DCAF12: variants seen among roughly 807,000 people sequenced by gnomAD.
DCAF12 encodes DDB1 and CUL4 associated factor 12, also known as DDB1- and CUL4-associated factor 12.
Under a neutral mutation model 52.8 loss-of-function variants are expected in DCAF12, and 28 were observed. That is an observed-to-expected ratio of 0.53 (90% confidence interval 0.39 to 0.73). The LOEUF (loss-of-function observed/expected upper bound fraction) is 0.73, where lower values mean the gene tolerates loss of function less well. Among genes scored for constraint, DCAF12 ranks in the 30% least tolerant of loss-of-function variants. The pLI, the probability that DCAF12 is intolerant of heterozygous loss-of-function variation, is 0.00. For missense variants in DCAF12, 425 were observed against 552.2 expected, an observed-to-expected ratio of 0.77 and a Z score of 2.31; for synonymous variants, 196 against 215.5, an observed-to-expected ratio of 0.91 and a Z score of 0.79.
intron 7 of DCAF12, among the ~76,000 whole-genome samples, chr9:34,092,878 G>A (rs1828667754): frequency 6.6e-6 from 1 of 151,710 alleles, no homozygotes; most frequent in Admixed American, 6.6e-5. Context: ...AGAATTTCGC[G>A]CTCATTGCCC....
chr9:34,125,383 A>G (rs149310028), intron 1 of DCAF12, 106 bp from the exon 2 acceptor site: 1 of 1,271,064 alleles, frequency 7.9e-7, no homozygotes, highest in East Asian at 2.3e-5. Flanking sequence ...CAGAATTTAC[A>G]AACAACACAA....
intron 4 of DCAF12, among the ~76,000 whole-genome samples, chr9:34,099,420 T>C (rs779890365): frequency 6.6e-6 from 1 of 151,568 alleles, no homozygotes; most frequent in Non-Finnish European, 1.5e-5. Context: ...TTAGTAGAGA[T>C]TGGGTTTCAC....
At chr9:34,124,820 T>C (rs999772459) in intron 2 of DCAF12, among the ~76,000 whole-genome samples, 2 of 152,056 alleles carry the variant, frequency 1.3e-5, no homozygotes, top group African/African-American at 4.8e-5. Context: ...ATACACTCCT[T>C]TGAGGACTTA....
At position 34,126,509 on chromosome 9, in the gene DCAF12, T is replaced by A; in HGVS notation, c.-78A>T. 1 of 1,504,098 alleles carries A rather than the reference T, an allele frequency of 6.6e-7. No individual in the cohort carries two copies. The highest frequency in any genetic ancestry group is 8.9e-7 in the Non-Finnish European group (1 of 1,124,720). The allele number at this position is 1,504,098 out of a possible 1,614,324, so 93.2% of individuals were successfully genotyped here. A position where few individuals can be genotyped will look rare whatever the true frequency, so the allele number is the denominator to read the frequency against. Reference sequence around the variant, plus strand: ...GATAGCAGGACGGCGGGTCATATACTGGGCCCCGGGGCCGCGCACCTTAGT... The same window carrying A: ...GATAGCAGGACGGCGGGTCATATACAGGGCCCCGGGGCCGCGCACCTTAGT... On this transcript the variant is annotated 5_prime_UTR_variant, in exon 1 of 9. Coordinates refer to ENST00000361264, the MANE Select transcript of DCAF12 (RefSeq NM_015397.4).
Position 34,125,174 on chromosome 9 carries a change from G to C in DCAF12, c.182C>G (p.Thr61Ser). ...KNREVRLQNE[T>S]SYSRVLHGYA... ...ACCATGCAACACTCGAGAGTAGCTG[G>C]TTTCATTCTGTAGCCTGACTTCCCG... Residue 61 changes from threonine (T) to serine (S), a missense_variant, in exon 2 of 9, where the codon ACC (threonine) becomes AGC (serine). Coordinates refer to ENST00000361264, the MANE Select transcript of DCAF12 (RefSeq NM_015397.4). The C allele has an allele frequency of 6.2e-7, 1 of 1,614,134 alleles. No homozygotes were observed. The highest frequency in any genetic ancestry group is 8.5e-7 in the Non-Finnish European group (1 of 1,180,026).
intron 6 of DCAF12, among the ~76,000 whole-genome samples, chr9:34,095,319 T>C (rs1470741472): frequency 6.7e-6 from 1 of 149,410 alleles, no homozygotes; most frequent in Non-Finnish European, 1.5e-5. Flanking sequence ...ATGATCCACC[T>C]GCCTCGGCCT....
intron 2 of DCAF12, among the ~76,000 whole-genome samples, chr9:34,113,874 C>A (rs145111500): frequency 0.21 from 32,483 of 151,606 alleles, 3,583 homozygotes; most frequent in Middle Eastern, 0.27. Flanking sequence ...TTTGGGAGGC[C>A]AAGGCAGGCG....
intron 2 of DCAF12, among the ~76,000 whole-genome samples, chr9:34,121,936 T>TG (rs1829181275): frequency 1.3e-5 from 2 of 152,184 alleles, no homozygotes; most frequent in South Asian, 4.1e-4. Flanking sequence ...AGCGAGACTC[T>TG]GTCTCAAAAA....
At chr9:34,092,709 A>G (rs112581999) in intron 7 of DCAF12, among the ~76,000 whole-genome samples, 1 of 150,252 alleles carries the variant, frequency 6.7e-6, no homozygotes, top group African/African-American at 2.5e-5. Flanking sequence ...ACAACAACAA[A>G]AAAAAAGTAG....
At chr9:34,117,019 C>G (rs1437735460) in intron 2 of DCAF12, among the ~76,000 whole-genome samples, 1 of 152,176 alleles carries the variant, frequency 6.6e-6, no homozygotes, top group East Asian at 1.9e-4. Context: ...TGCGCTATGC[C>G]AAGATCTTAG....
At chr9:34,098,128 G>A (rs114966849) in intron 5 of DCAF12, among the ~76,000 whole-genome samples, 196 bp downstream of exon 5, 189 of 152,258 alleles carry the variant, frequency 1.2e-3, no homozygotes, top group African/African-American at 4.2e-3. Flanking sequence ...GAGAAATACT[G>A]CAGACACCAA....
intron 5 of DCAF12, 47 bp downstream of exon 5, chr9:34,098,277 C>A: frequency 6.3e-7 from 1 of 1,578,628 alleles, no homozygotes; most frequent in South Asian, 1.2e-5. Flanking sequence ...TATCCCAAGA[C>A]ATAAGCAAGA....
chr9:34,103,642 C>A lies in DCAF12; in HGVS notation c.601+2792G>T, dbSNP rs551441765. On this transcript the variant is annotated intron_variant, in intron 4 of 8. Coordinates refer to ENST00000361264, the MANE Select transcript of DCAF12 (RefSeq NM_015397.4). The stretch of plus-strand genomic sequence containing the variant: ...GCTCAAGTGGGAGGATCGCTTGAGC[C>A]TAGGAGTTTGACAGCAGCCTGGGCA... 3.3e-5 allele frequency among the ~76,000 whole-genome samples: 5 copies of A among 152,020 alleles called. No individual in the cohort carries two copies. The South Asian group carries it at 1.0e-3, about 32-fold the overall frequency.
At chr9:34,117,478 T>C (rs948967558) in intron 2 of DCAF12, among the ~76,000 whole-genome samples, 3 of 152,030 alleles carry the variant, frequency 2.0e-5, no homozygotes, top group Non-Finnish European at 2.9e-5. Context: ...AGGTCTCTGT[T>C]AAAAATGGAC....
intron 2 of DCAF12, among the ~76,000 whole-genome samples, chr9:34,107,935 C>T (rs1828930188): frequency 6.6e-6 from 1 of 152,192 alleles, no homozygotes; most frequent in Non-Finnish European, 1.5e-5. Context: ...CCTAACCACA[C>T]CATGCACAGA....
chr9:34,122,249 G>C (rs1212668299), intron 2 of DCAF12, among the ~76,000 whole-genome samples: 4 of 152,114 alleles, frequency 2.6e-5, no homozygotes, highest in Non-Finnish European at 4.4e-5. Flanking sequence ...TTTAGGGAAA[G>C]TTTACACAAC....
Position 34,093,391 on chromosome 9 carries a change from C to G in DCAF12, c.919G>C (p.Glu307Gln), listed in dbSNP as rs1173949568. 1.9e-6 allele frequency: 3 copies of G among 1,614,086 alleles called. No individual in the cohort carries two copies. The African/African-American group carries it at 4.0e-5, about 22-fold the overall frequency. Reference sequence around the variant, plus strand: ...GAGCCCACTGCATAAACTGACCATTCACTACCATAAGCCAGACACACATTC... The same window carrying G: ...GAGCCCACTGCATAAACTGACCATTGACTACCATAAGCCAGACACACATTC... ...RENVCLAYGS[E>Q]WSVYAVGSQA... Residue 307 changes from glutamate (E) to glutamine (Q), a missense_variant, in exon 7 of 9, where the codon GAA becomes CAA. Around this residue, in one of 3 missense-constraint regions of DCAF12, gnomAD observed 328 missense variants for 444.4 expected, o/e 0.74. Transcript: ENST00000361264.
At chr9:34,116,171 A>G (rs756622123) in intron 2 of DCAF12, among the ~76,000 whole-genome samples, 1 of 151,878 alleles carries the variant, frequency 6.6e-6, no homozygotes, top group Non-Finnish European at 1.5e-5. Flanking sequence ...CAGCCTGGCA[A>G]ACATGGCAAA....
At chr9:34,112,221 A>T (rs1829015149) in intron 2 of DCAF12, among the ~76,000 whole-genome samples, 1 of 151,712 alleles carries the variant, frequency 6.6e-6, no homozygotes, top group Non-Finnish European at 1.5e-5. Context: ...CTTCTCTCTG[A>T]GATCCAATAA....
Sources: gnomAD v4.1 joint callset for allele counts (sites outside exome capture counted in the v4.1 genomes callset) on GRCh38, gnomAD v4.1.1 for gene constraint, gnomAD v4.1.1 regional missense constraint, MANE v1.5 for transcripts, NCBI Gene and HGNC (gene_info 2026-07-23, HGNC 2026-07-21) for gene names.